The following GSE1 variants were observed in gnomAD, a reference collection of about 807,000 sequenced individuals.
GSE1 encodes the protein Gse1 coiled-coil protein.
In GSE1, 32 loss-of-function variants were observed where a neutral mutation model predicts 112.6. That is an observed-to-expected ratio of 0.28 (90% CI 0.21 to 0.38). The LOEUF (loss-of-function observed/expected upper bound fraction) is 0.38, where lower values mean the gene tolerates loss of function less well. GSE1 is among the 10% of genes least tolerant of loss of function. The pLI, the probability that GSE1 is intolerant of heterozygous loss-of-function variation, is 1.00. For synonymous variants in GSE1, 1,115 were observed against 735.6 expected (o/e 1.52, Z -8.35); for missense variants, 2,348 against 1,699.2 (o/e 1.38, Z -6.71).
chr16:85,513,463 G>C (rs2051813978), intron 2 of GSE1, among the ~76,000 whole-genome samples: 1 of 152,104 alleles, frequency 6.6e-6, no homozygotes, highest in African/African-American at 2.4e-5. Flanking sequence ...CGTCCCCACT[G>C]TGGGGGGCTC....
intron 1 of GSE1, among the ~76,000 whole-genome samples, chr16:85,246,459 ACCCCACACGCTG>A (rs1236312959): frequency 1.6e-5 from 1 of 64,140 alleles, no homozygotes; most frequent in African/African-American, 7.8e-5. Context: ...ACACACACAC[ACCCCACACGCTG>A]CACACACACA....
chr16:85,618,074 T>G (rs1025335603), intron 1 of GSE1, among the ~76,000 whole-genome samples: 1 of 152,094 alleles, frequency 6.6e-6, no homozygotes, highest in Non-Finnish European at 1.5e-5. Flanking sequence ...CCCACTGGCA[T>G]GGGTGGATTC....
At chr16:85,211,263 G>T (rs1243664802) in intron 1 of GSE1, among the ~76,000 whole-genome samples, 1 of 151,884 alleles carries the variant, frequency 6.6e-6, no homozygotes, top group African/African-American at 2.4e-5. Flanking sequence ...AGCATGTGGG[G>T]TGCCAGGAGA....
chr16:85,534,962 G>C (rs2044273347), intron 2 of GSE1, among the ~76,000 whole-genome samples: 1 of 152,228 alleles, frequency 6.6e-6, no homozygotes, highest in Non-Finnish European at 1.5e-5. Context: ...GGAGCCCGTG[G>C]TCTTGGAGGC....
intron 1 of GSE1, among the ~76,000 whole-genome samples, chr16:85,275,858 C>A (rs1909309230): frequency 6.6e-6 from 1 of 152,246 alleles, no homozygotes; most frequent in Non-Finnish European, 1.5e-5. Flanking sequence ...ATGGAGGAAG[C>A]CCTCCCTGCC....
intron 1 of GSE1, among the ~76,000 whole-genome samples, chr16:85,313,948 GACATAGCC>G (rs2045924638): frequency 7.2e-6 from 1 of 139,400 alleles, no homozygotes; most frequent in African/African-American, 3.2e-5. Context: ...GTGTGTGTGT[GACATAGCC>G]TAGTGTGTGT....
chr16:85,661,289 T>C lies in GSE1; in HGVS notation c.1784T>C (p.Leu595Ser), dbSNP rs768168394. 6.2e-7 allele frequency: 1 copy of C among 1,612,784 alleles called. No individual in the cohort carries two copies. Among genetic ancestry groups the C allele is most frequent in the East Asian group, 2.2e-5 (1 of 44,856 alleles). Residue 595 changes from leucine (L) to serine (S), a missense_variant, in exon 9 of 16, where the codon TTG becomes TCG. Transcript: ENST00000253458. Reference protein sequence around the residue: ...WNPVSLMDNTLETRRAESHSL... With the variant: ...WNPVSLMDNTSETRRAESHSL... ...CCCGTGTCCCTGATGGACAACACCTTGGAGACGCGGCGGGCCGAAAGCCAC... is the reference window on the plus strand; with the variant it reads ...CCCGTGTCCCTGATGGACAACACCTCGGAGACGCGGCGGGCCGAAAGCCAC...
chr16:85,584,688 C>T (rs1485398492), intron 1 of GSE1, among the ~76,000 whole-genome samples: 1 of 152,202 alleles, frequency 6.6e-6, no homozygotes, highest in East Asian at 1.9e-4. Context: ...CCGTTTTATG[C>T]CTTTTTAATA....
intron 1 of GSE1, among the ~76,000 whole-genome samples, chr16:85,330,553 C>G (rs1463956207): frequency 6.6e-6 from 1 of 152,244 alleles, no homozygotes; most frequent in African/African-American, 2.4e-5. Flanking sequence ...GCAGCAGGCG[C>G]CTCACCTGGG....
intron 1 of GSE1, chr16:85,556,408 C>G (rs1280613408): frequency 1.1e-6 from 1 of 938,696 alleles, no homozygotes; most frequent in African/African-American, 1.8e-5. Context: ...GGCGCCGGCG[C>G]GCCCGGGACC....
chr16:85,617,899 T>C lies in GSE1; in HGVS notation c.7+4501T>C, dbSNP rs528559534. ...CCCTGGTGACTCAGAAATGGACGTCTCCCCTCTACGCCACCTCCCCCGCAG... is the reference window on the plus strand; with the variant it reads ...CCCTGGTGACTCAGAAATGGACGTCCCCCCTCTACGCCACCTCCCCCGCAG... On this transcript the variant is annotated intron_variant, in intron 1 of 15. Transcript: ENST00000253458. Among the ~76,000 whole-genome samples the C allele has an allele frequency of 3.6e-3, 546 of 152,154 alleles. 30 individuals are homozygous for C. The highest frequency in any genetic ancestry group is 0.036 in the Admixed American group (544 of 15,290).
intron 1 of GSE1, among the ~76,000 whole-genome samples, chr16:85,345,865 C>A (rs72811715): frequency 0.24 from 36,889 of 152,062 alleles, 4,929 homozygotes; most frequent in Non-Finnish European, 0.31. Context: ...GGATGATGAG[C>A]AAATGGACAG....
chr16:85,627,952 G>A (rs370415494), intron 1 of GSE1, among the ~76,000 whole-genome samples: 1 of 152,214 alleles, frequency 6.6e-6, no homozygotes, highest in Non-Finnish European at 1.5e-5. Flanking sequence ...GGCCCGCATC[G>A]GTCTCCCTGG....
chr16:85,580,842 A>G (rs1315884146), intron 1 of GSE1, among the ~76,000 whole-genome samples: 1 of 152,254 alleles, frequency 6.6e-6, no homozygotes, highest in Non-Finnish European at 1.5e-5. Flanking sequence ...AGCCGTCTGC[A>G]ATCCAAGCAG....
intron 2 of GSE1, among the ~76,000 whole-genome samples, chr16:85,460,153 C>T (rs56853873): frequency 0.068 from 10,299 of 152,248 alleles, 1,180 homozygotes; most frequent in African/African-American, 0.24. Flanking sequence ...CACTCCCCTA[C>T]AGACACTCCA....
At chr16:85,448,579 T>A (rs2049577311) in intron 2 of GSE1, among the ~76,000 whole-genome samples, 1 of 152,200 alleles carries the variant, frequency 6.6e-6, no homozygotes, top group African/African-American at 2.4e-5. Context: ...TGGTCCCTTC[T>A]AAAGTGAGCA....
intron 2 of GSE1, among the ~76,000 whole-genome samples, chr16:85,380,894 G>A (rs538125317): frequency 1.3e-5 from 2 of 152,282 alleles, no homozygotes; most frequent in South Asian, 2.1e-4. Context: ...GCATGGGAAC[G>A]CGGTGAGCCC....
rs540863379 is a variant in GSE1 at position 85,475,259 on chromosome 16, C to T, written c.2464+117616C>T. ...TAAACCAGGGGCAGCAGGGGAGGGA[C>T]GCTTTGCAGAGCAGTGCAAGTACAG... On this transcript the variant is annotated intron_variant, in intron 2 of 2. Transcript: ENST00000637419. Among the ~76,000 whole-genome samples the T allele has an allele frequency of 1.6e-4, 25 of 152,326 alleles. No individual in the cohort carries two copies. In the South Asian group the frequency reaches 4.1e-3, roughly 25 times the overall value.
intron 2 of GSE1, among the ~76,000 whole-genome samples, chr16:85,636,852 C>T (rs1256199663): frequency 6.6e-6 from 1 of 152,200 alleles, no homozygotes; most frequent in African/African-American, 2.4e-5. Context: ...AGCACGCTGA[C>T]CCTGCCTCCC....
Sources: allele counts gnomAD v4.1 joint callset (sites outside exome capture counted in the v4.1 genomes callset), GRCh38; gene constraint gnomAD v4.1.1; transcripts MANE v1.5; gene names NCBI Gene and HGNC (gene_info 2026-07-23, HGNC 2026-07-21).